The following TMEM74 variants were observed in gnomAD, a reference collection of about 807,000 sequenced individuals.
The protein encoded by TMEM74 is transmembrane protein 74.
TMEM74 carries 13 observed loss-of-function variants against 18.1 expected under a neutral mutation model. The ratio of observed to expected loss-of-function variants is 0.72; its 90% CI spans 0.47 to 1.14. The LOEUF is 1.14. Among genes scored for constraint, TMEM74 ranks in the 50% most tolerant of loss-of-function variants. The pLI is 0.00. For missense variants in TMEM74, 372 were observed against 375.9 expected (o/e 0.99, Z 0.09); for synonymous variants, 159 against 146.6 (o/e 1.08, Z -0.61).
intron 1 of TMEM74, among the ~76,000 whole-genome samples, chr8:108,672,126 A>G (rs1273523730): frequency 6.6e-6 from 1 of 152,226 alleles, no homozygotes; most frequent in Non-Finnish European, 1.5e-5. Flanking sequence ...CGGCTACGGC[A>G]GTTGCCGTCC....
chr8:108,696,029 A>G (rs946399773), intron 1 of TMEM74, among the ~76,000 whole-genome samples: 2 of 152,184 alleles, frequency 1.3e-5, no homozygotes, highest in Non-Finnish European at 2.9e-5. Flanking sequence ...CTGAGACAGA[A>G]TTTATTCACT....
chr8:108,662,233 AAC>A (rs1812907261), intron 1 of TMEM74, among the ~76,000 whole-genome samples: 1 of 151,828 alleles, frequency 6.6e-6, no homozygotes, highest in African/African-American at 2.4e-5. Context: ...GAGATGGAAA[AAC>A]ACACACACAT....
intron 1 of TMEM74, among the ~76,000 whole-genome samples, chr8:108,689,174 G>GA (rs1813200545): frequency 6.6e-6 from 1 of 152,124 alleles, no homozygotes; most frequent in Non-Finnish European, 1.5e-5. Flanking sequence ...TCCTGCATTG[G>GA]AAAAAATTAA....
chr8:108,617,520 A>C (rs1586235167), intron 2 of TMEM74, among the ~76,000 whole-genome samples: 1 of 152,098 alleles, frequency 6.6e-6, no homozygotes, highest in East Asian at 1.9e-4. Context: ...CCTGTCTAAG[A>C]TTCCTCCATT....
chr8:108,650,248 C>T (rs1002220745), intron 2 of TMEM74, among the ~76,000 whole-genome samples: 5 of 152,166 alleles, frequency 3.3e-5, no homozygotes, highest in Non-Finnish European at 7.4e-5. Context: ...TTGGAGTTAT[C>T]CATGCCAGCC....
At chr8:108,759,852 T>C (rs1250588765) in intron 1 of TMEM74, among the ~76,000 whole-genome samples, 1 of 152,106 alleles carries the variant, frequency 6.6e-6, no homozygotes. Context: ...AACCACTATA[T>C]ATTTTGACCT....
chr8:108,684,593 T>C (rs1813149112), intron 1 of TMEM74, among the ~76,000 whole-genome samples: 1 of 152,160 alleles, frequency 6.6e-6, no homozygotes, highest in Admixed American at 6.6e-5. Context: ...TAATCCCATT[T>C]GTTTATTTTT....
At chr8:108,710,560 G>A (rs1813464382) in intron 1 of TMEM74, among the ~76,000 whole-genome samples, 2 of 152,192 alleles carry the variant, frequency 1.3e-5, no homozygotes, top group Admixed American at 1.3e-4. Flanking sequence ...CACTTAGGGG[G>A]CCGTAGGCAG....
At chr8:108,708,376 T>C (rs2130621182) in intron 1 of TMEM74, among the ~76,000 whole-genome samples, 1 of 152,242 alleles carries the variant, frequency 6.6e-6, no homozygotes, top group East Asian at 1.9e-4. Context: ...GGTTAAACAA[T>C]TTATAGTCCT....
At chr8:108,711,183 A>C (rs1563532358) in intron 1 of TMEM74, among the ~76,000 whole-genome samples, 1 of 152,208 alleles carries the variant, frequency 6.6e-6, no homozygotes, top group African/African-American at 2.4e-5. Context: ...TCATTTCTAC[A>C]TATAAGAAAC....
chr8:108,787,024 G>C (rs1814394027), intron 1 of TMEM74, among the ~76,000 whole-genome samples: 1 of 152,128 alleles, frequency 6.6e-6, no homozygotes, highest in South Asian at 2.1e-4. Flanking sequence ...ATAATCCCAG[G>C]GGACCAGCTA....
At chr8:108,730,431 TCAAGA>T (rs1451446131) in intron 1 of TMEM74, among the ~76,000 whole-genome samples, 1 of 152,128 alleles carries the variant, frequency 6.6e-6, no homozygotes, top group Non-Finnish European at 1.5e-5. Context: ...GTCGACACAA[TCAAGA>T]CAACTGTCTA....
intron 2 of TMEM74, among the ~76,000 whole-genome samples, chr8:108,626,990 A>G (rs1812500310): frequency 6.6e-6 from 1 of 152,080 alleles, no homozygotes; most frequent in East Asian, 1.9e-4. Context: ...TTGTGGAGAC[A>G]TAAAAAAATC....
chr8:108,657,883 T>TATATATATTAATTAC (rs1554630307), intron 1 of TMEM74, among the ~76,000 whole-genome samples: 20 of 113,798 alleles, frequency 1.8e-4, no homozygotes, highest in African/African-American at 3.2e-4. Flanking sequence ...TATATATATA[T>TATATATATTAATTAC]ATATATATAT....
chr8:108,654,133 A>G (rs1812799617), intron 2 of TMEM74, among the ~76,000 whole-genome samples: 1 of 152,130 alleles, frequency 6.6e-6, no homozygotes, highest in Admixed American at 6.6e-5. Flanking sequence ...TTATTTTCTT[A>G]GATCTTGAGC....
intron 1 of TMEM74, among the ~76,000 whole-genome samples, chr8:108,696,727 C>T (rs1391215804): frequency 4.6e-5 from 7 of 152,156 alleles, no homozygotes; most frequent in Admixed American, 1.3e-4. Context: ...TAAAATTGCT[C>T]ATTTTAATAG....
At chr8:108,646,934 T>C (rs1243208077) in intron 2 of TMEM74, among the ~76,000 whole-genome samples, 1 of 152,180 alleles carries the variant, frequency 6.6e-6, no homozygotes, top group Non-Finnish European at 1.5e-5. Context: ...TTTCATTATA[T>C]TAAACATCTG....
intron 2 of TMEM74, among the ~76,000 whole-genome samples, chr8:108,640,453 A>G (rs1033480368): frequency 1.3e-5 from 2 of 151,744 alleles, no homozygotes; most frequent in African/African-American, 4.8e-5. Context: ...TAGCTTCATC[A>G]TTTAAATGTA....
At chr8:108,657,857 AAAATATATATATAT>A (rs1224706921) in intron 1 of TMEM74, among the ~76,000 whole-genome samples, 6 of 62,286 alleles carry the variant, frequency 9.6e-5, no homozygotes, top group East Asian at 6.3e-4. Flanking sequence ...AAAAAAAAAA[AAAATATATATATAT>A]ATATATATAT....
Sources: allele counts gnomAD v4.1 joint callset (sites outside exome capture counted in the v4.1 genomes callset), GRCh38; gene constraint gnomAD v4.1.1; transcripts MANE v1.5; gene names NCBI Gene and HGNC (gene_info 2026-07-23, HGNC 2026-07-21).